UBE2V2: variants seen among roughly 807,000 people sequenced by gnomAD.
The protein encoded by UBE2V2 is ubiquitin conjugating enzyme E2 V2.
UBE2V2 carries 9 observed loss-of-function variants against 17.2 expected under a neutral mutation model. That is an observed-to-expected ratio of 0.52 (90% confidence interval 0.32 to 0.91). The LOEUF is 0.91. UBE2V2 is among the 40% of genes least tolerant of loss of function. The pLI is 0.04. For missense variants in UBE2V2, 133 were observed against 182.6 expected, an observed-to-expected ratio of 0.73 and a Z score of 1.56; for synonymous variants, 61 against 57.5, an observed-to-expected ratio of 1.06 and a Z score of -0.28.
intron 1 of UBE2V2, among the ~76,000 whole-genome samples, chr8:48,014,089 T>A (rs1016840981): frequency 6.6e-5 from 10 of 152,182 alleles, no homozygotes; most frequent in Non-Finnish European, 1.5e-4. Flanking sequence ...TATGGTAGTC[T>A]AGTGTATTTC....
chr8:48,008,273 A>G (rs755832524), upstream of UBE2V2: 1 of 634,590 alleles, frequency 1.6e-6, no homozygotes. Flanking sequence ...TTCACAAGGG[A>G]ATTGCGGAAA....
chr8:48,032,712 C>T (rs1396111844), intron 1 of UBE2V2, among the ~76,000 whole-genome samples: 1 of 152,138 alleles, frequency 6.6e-6, no homozygotes, highest in Non-Finnish European at 1.5e-5. Flanking sequence ...GCCATGGCGA[C>T]AGAGTCCCTG....
chr8:48,009,555 C>T (rs567944253), intron 1 of UBE2V2, among the ~76,000 whole-genome samples: 1 of 152,210 alleles, frequency 6.6e-6, no homozygotes, highest in African/African-American at 2.4e-5. Flanking sequence ...TGTGAGCCAC[C>T]GCGCTCGGCC....
intron 2 of UBE2V2, among the ~76,000 whole-genome samples, chr8:48,049,303 T>C (rs1483899303): frequency 6.6e-6 from 1 of 152,202 alleles, no homozygotes; most frequent in Non-Finnish European, 1.5e-5. Context: ...CTAGAAGTTA[T>C]TGATTGCCAT....
At chr8:48,031,743 C>T (rs2091384478) in intron 1 of UBE2V2, among the ~76,000 whole-genome samples, 1 of 152,046 alleles carries the variant, frequency 6.6e-6, no homozygotes, top group Non-Finnish European at 1.5e-5. Flanking sequence ...GCAACCTCCG[C>T]CTCCCAAATT....
intron 1 of UBE2V2, among the ~76,000 whole-genome samples, chr8:48,020,811 G>A (rs528023434): frequency 3.0e-4 from 46 of 151,738 alleles, no homozygotes; most frequent in Non-Finnish European, 5.2e-4. Context: ...GCCATGTTGC[G>A]CAAGCGGGTT....
intron 1 of UBE2V2, among the ~76,000 whole-genome samples, chr8:48,012,764 C>A (rs925140331): frequency 6.6e-6 from 1 of 152,004 alleles, no homozygotes; most frequent in East Asian, 1.9e-4. Context: ...TAAAAAAATA[C>A]AATAGTTTTA....
intron 1 of UBE2V2, among the ~76,000 whole-genome samples, chr8:48,020,009 G>A (rs1047003599): frequency 4.0e-5 from 6 of 151,590 alleles, no homozygotes; most frequent in East Asian, 1.9e-4. Flanking sequence ...TCTGATATAA[G>A]TGAAGCAATT....
intron 1 of UBE2V2, among the ~76,000 whole-genome samples, chr8:48,015,025 G>T (rs1307762156): frequency 6.9e-6 from 1 of 145,068 alleles, no homozygotes; most frequent in Non-Finnish European, 1.5e-5. Context: ...ACTCCAGCCC[G>T]AGTGACAGAG....
rs1024605406 is a variant in UBE2V2 at position 48,042,954 on chromosome 8, TG to T, written c.17-77del. On this transcript the variant is annotated intron_variant, in intron 1 of 3. Coordinates refer to ENST00000523111, the MANE Select transcript of UBE2V2 (RefSeq NM_003350.3). ...GGGAAATAATTTATAAAGGTTAATT[TG>T]GAAAAAGCTGAATTTAAATACGTGT... 3.9e-5 allele frequency: 51 copies of T among 1,309,102 alleles called. No individual in the cohort carries two copies. The African/African-American group carries it at 5.9e-4, about 15-fold the overall frequency. 81.1% of individuals were successfully genotyped at this position (1,309,102 alleles called of 1,614,324 possible).
At chr8:48,023,294 C>G (rs1014656136) in intron 1 of UBE2V2, among the ~76,000 whole-genome samples, 1 of 151,052 alleles carries the variant, frequency 6.6e-6, no homozygotes, top group African/African-American at 2.4e-5. Context: ...TGGCTCACTG[C>G]GACCTCCGCC....
At chr8:48,008,817 C>T (rs770187636) in intron 1 of UBE2V2, among the ~76,000 whole-genome samples, 1 of 152,038 alleles carries the variant, frequency 6.6e-6, no homozygotes, top group African/African-American at 2.4e-5. Flanking sequence ...CGGGTGTCAA[C>T]CTCCGGCACC....
At chr8:48,028,753 TG>T (rs1436230177) in intron 1 of UBE2V2, among the ~76,000 whole-genome samples, 1 of 152,206 alleles carries the variant, frequency 6.6e-6, no homozygotes, top group African/African-American at 2.4e-5. Flanking sequence ...CCCAAAGTGT[TG>T]GGATTACAGG....
intron 1 of UBE2V2, among the ~76,000 whole-genome samples, chr8:48,009,391 A>G (rs1167746173): frequency 6.6e-6 from 1 of 150,446 alleles, no homozygotes; most frequent in Non-Finnish European, 1.5e-5. Context: ...TCAGCCTCCC[A>G]AGTAGCTGGG....
chr8:48,001,604 C>G, the UBE2V2 span, among the ~76,000 whole-genome samples: 1 of 151,904 alleles, frequency 6.6e-6, no homozygotes, highest in East Asian at 1.9e-4. Context: ...GTCTCAAAAA[C>G]AAAACAAAAC....
At chr8:48,050,724 C>A (rs982267121) in intron 3 of UBE2V2, among the ~76,000 whole-genome samples, 1 of 150,326 alleles carries the variant, frequency 6.7e-6, no homozygotes, top group Non-Finnish European at 1.5e-5. Flanking sequence ...CATTATTTCT[C>A]TTTGAATGTT....
intron 1 of UBE2V2, among the ~76,000 whole-genome samples, chr8:48,012,476 T>C (rs2091239216): frequency 1.3e-5 from 2 of 152,112 alleles, no homozygotes; most frequent in Admixed American, 6.6e-5. Flanking sequence ...CCCAGCACTT[T>C]GGGAGGCCGA....
intron 1 of UBE2V2, among the ~76,000 whole-genome samples, chr8:48,036,492 G>A (rs904880316): frequency 2.0e-5 from 3 of 151,712 alleles, no homozygotes; most frequent in Non-Finnish European, 4.4e-5. Context: ...GGAGTGCAGT[G>A]GTGCGATCTT....
At chr8:48,004,749 T>C (rs1243020462), upstream of UBE2V2, among the ~76,000 whole-genome samples, 1 of 152,114 alleles carries the variant, frequency 6.6e-6, no homozygotes, top group Non-Finnish European at 1.5e-5. Flanking sequence ...CAGGCTGGTA[T>C]TGAATTCCCG....
Sources: allele counts gnomAD v4.1 joint callset (sites outside exome capture counted in the v4.1 genomes callset), GRCh38; gene constraint gnomAD v4.1.1; transcripts MANE v1.5; gene names NCBI Gene and HGNC (gene_info 2026-07-23, HGNC 2026-07-21).